DAP: variants seen among roughly 807,000 people sequenced by gnomAD.
The protein encoded by DAP is death associated protein.
A neutral mutation model predicts 13.8 loss-of-function variants in DAP; 8 were observed. That is an observed-to-expected ratio of 0.58 (90% confidence interval 0.34 to 1.05). The LOEUF is 1.05. Among genes scored for constraint, DAP ranks in the 50% least tolerant of loss-of-function variants. The pLI is 0.03. For synonymous variants in DAP, 47 were observed against 47.5 expected, an observed-to-expected ratio of 0.99 and a Z score of 0.04; for missense variants, 106 against 133.2, an observed-to-expected ratio of 0.80 and a Z score of 1.01.
intron 2 of DAP, among the ~76,000 whole-genome samples, chr5:10,742,291 T>C (rs557820488): frequency 6.6e-6 from 1 of 152,274 alleles, no homozygotes; most frequent in Admixed American, 6.5e-5. Flanking sequence ...TCCCAGCACT[T>C]TGGCAGGCTA....
At chr5:10,741,677 C>G (rs1402476301) in intron 2 of DAP, among the ~76,000 whole-genome samples, 1 of 152,200 alleles carries the variant, frequency 6.6e-6, no homozygotes, top group Non-Finnish European at 1.5e-5. Flanking sequence ...TCCATCATTA[C>G]TATTTATTTA....
chr5:10,748,253 C>T lies in DAP; in HGVS notation c.74G>A (p.Arg25Gln), dbSNP rs1226243473. Reference protein sequence around the residue: ...HPPAVKAGGMRIVQKHPHTGD... With the variant: ...HPPAVKAGGMQIVQKHPHTGD... The stretch of plus-strand genomic sequence containing the variant: ...TGTATGTGGGTGTTTCTGCACAATT[C>T]GCATTCCACCAGCTTTCACTGAAAT... The change falls in exon 2 of 4, where the codon CGA (arginine) becomes CAA (glutamine). Residue 25 changes from arginine (R) to glutamine (Q), a missense_variant. Transcript: ENST00000230895. The T allele has an allele frequency of 6.2e-6, 10 of 1,613,692 alleles. No homozygotes were observed. The highest frequency in any genetic ancestry group is 5.5e-5 in the South Asian group (5 of 91,072).
At chr5:10,743,185 T>C (rs1022677539) in intron 2 of DAP, among the ~76,000 whole-genome samples, 7 of 152,236 alleles carry the variant, frequency 4.6e-5, no homozygotes, top group African/African-American at 1.4e-4. Context: ...TGCATAGTTT[T>C]TTATTGTCTT....
At position 10,680,691 on chromosome 5, in the gene DAP, C is replaced by T; in HGVS notation, c.*365G>A. 1.3e-6 allele frequency: 2 copies of T among 1,517,780 alleles called. No homozygotes were observed. Among genetic ancestry groups the T allele is most frequent in the Non-Finnish European group, 1.8e-6 (2 of 1,132,094 alleles). 94.0% of individuals were successfully genotyped at this position (1,517,780 alleles called of 1,614,324 possible). On this transcript the variant is annotated 3_prime_UTR_variant, in exon 4 of 4. Coordinates refer to ENST00000230895, the MANE Select transcript of DAP (RefSeq NM_004394.3). ...TGCAATGACTGAGGTTTTCTCCTAA[C>T]CTTAATCTCATCTTCTCAAATGTGT...
intron 2 of DAP, among the ~76,000 whole-genome samples, chr5:10,699,084 G>A (rs1249606345): frequency 6.6e-6 from 1 of 152,158 alleles, no homozygotes; most frequent in Non-Finnish European, 1.5e-5. Context: ...GTCGGCAAAT[G>A]GCCACTTGGC....
chr5:10,748,189 T>C lies in DAP; in HGVS notation c.138A>G (p.Glu46=), dbSNP rs770971807. ...CATCATCCCACCTGGGGCTTTCCCA[T>C]TCCTGGTCATCCTTGTCTTTCTCTT... is the stretch of plus-strand genomic sequence containing the variant. ...TKEEKDKDDQ[E]WESPSPPKPT... Residue 46 remains glutamate (E), a synonymous_variant, in exon 2 of 4, where the codon GAA becomes GAG. Coordinates refer to ENST00000230895, the MANE Select transcript of DAP (RefSeq NM_004394.3). 2 of 1,613,312 alleles carry C rather than the reference T, an allele frequency of 1.2e-6. No individual in the cohort carries two copies. Among genetic ancestry groups the C allele is most frequent in the Admixed American group, 1.7e-5 (1 of 60,010 alleles).
chr5:10,731,191 G>A (rs1470536028), intron 2 of DAP, among the ~76,000 whole-genome samples: 2 of 120,588 alleles, frequency 1.7e-5, no homozygotes, highest in Non-Finnish European at 3.4e-5. Flanking sequence ...TGTACTGAGA[G>A]CCCTGGTGGG....
intron 2 of DAP, among the ~76,000 whole-genome samples, chr5:10,709,552 A>C (rs1462378687): frequency 6.6e-6 from 1 of 152,246 alleles, no homozygotes; most frequent in African/African-American, 2.4e-5. Flanking sequence ...CCTCGTGGTC[A>C]GATGGGTTTG....
intron 1 of DAP, among the ~76,000 whole-genome samples, chr5:10,756,497 T>A (rs1017219504): frequency 6.6e-6 from 1 of 152,222 alleles, no homozygotes; most frequent in African/African-American, 2.4e-5. Flanking sequence ...GAGAACTAAG[T>A]TACTCTGAAG....
chr5:10,727,075 T>C (rs890143499), intron 2 of DAP, among the ~76,000 whole-genome samples: 2 of 152,244 alleles, frequency 1.3e-5, no homozygotes, highest in African/African-American at 2.4e-5. Flanking sequence ...GGGAAACTTC[T>C]GTAAGCTGTA....
At chr5:10,713,797 G>C (rs1738911777) in intron 2 of DAP, among the ~76,000 whole-genome samples, 1 of 152,262 alleles carries the variant, frequency 6.6e-6, no homozygotes, top group African/African-American at 2.4e-5. Flanking sequence ...TTCGGGTGAT[G>C]ACAAAGGCGG....
Position 10,719,226 on chromosome 5 carries a change from T to C in DAP, c.152+28949A>G, listed in dbSNP as rs886986140. Among the ~76,000 whole-genome samples, 6 of 152,350 alleles carry C rather than the reference T, an allele frequency of 3.9e-5. No homozygotes were observed. The East Asian group carries it at 1.2e-3, about 29-fold the overall frequency. ...TTTTGGAGGCAACACATTCCTCATT[T>C]TGATGTGTTACTCTGGTCCATTTAT... On this transcript the variant is annotated intron_variant, in intron 2 of 3. Transcript: ENST00000230895.
chr5:10,752,809 G>A (rs1216646170), intron 1 of DAP, among the ~76,000 whole-genome samples: 1 of 152,208 alleles, frequency 6.6e-6, no homozygotes, highest in African/African-American at 2.4e-5. Flanking sequence ...AGGGCCAGCT[G>A]AGGATTACAT....
intron 1 of DAP, among the ~76,000 whole-genome samples, chr5:10,759,939 G>A (rs997011581): frequency 6.6e-6 from 1 of 151,924 alleles, no homozygotes; most frequent in Non-Finnish European, 1.5e-5. Flanking sequence ...ACTTTTAGTA[G>A]AGATGGGGTT....
chr5:10,680,773 T>C lies in DAP; in HGVS notation c.*283A>G. On this transcript the variant is annotated 3_prime_UTR_variant, in exon 4 of 4. Transcript: ENST00000230895. Reference sequence around the variant, plus strand: ...CGTCAGGTGACTGCTGAAATAGAACTAAAGCTAAAATTTTTCTCGGATCTT... The same window carrying C: ...CGTCAGGTGACTGCTGAAATAGAACCAAAGCTAAAATTTTTCTCGGATCTT... 2 of 1,536,614 alleles carry C rather than the reference T, an allele frequency of 1.3e-6. No individual in the cohort carries two copies. Among genetic ancestry groups the C allele is most frequent in the Non-Finnish European group, 1.7e-6 (2 of 1,146,996 alleles).
chr5:10,692,119 A>C (rs1738323443), intron 2 of DAP, among the ~76,000 whole-genome samples: 1 of 152,210 alleles, frequency 6.6e-6, no homozygotes, highest in Admixed American at 6.5e-5. Context: ...AAGGGCTGAG[A>C]AACCCAAATT....
chr5:10,683,609 C>T, intron 2 of DAP, 38 bp from the exon 3 acceptor site: 2 of 1,598,762 alleles, frequency 1.3e-6, no homozygotes, highest in South Asian at 1.1e-5. Flanking sequence ...TTTAACAAAA[C>T]AGTCCACAAC....
chr5:10,709,544 T>G (rs1738788654), intron 2 of DAP, among the ~76,000 whole-genome samples: 1 of 152,210 alleles, frequency 6.6e-6, no homozygotes, highest in African/African-American at 2.4e-5. Context: ...GAGGGTTGCC[T>G]CGTGGTCAGA....
intron 1 of DAP, among the ~76,000 whole-genome samples, chr5:10,757,397 A>G (rs1462703289): frequency 6.6e-6 from 1 of 151,906 alleles, no homozygotes; most frequent in Non-Finnish European, 1.5e-5. Flanking sequence ...GCCTCAGCCT[A>G]CAGAGTAGCT....
Sources: gnomAD v4.1 joint callset for allele counts (sites outside exome capture counted in the v4.1 genomes callset) on GRCh38, gnomAD v4.1.1 for gene constraint, MANE v1.5 for transcripts, NCBI Gene and HGNC (gene_info 2026-07-23, HGNC 2026-07-21) for gene names.